Variants in MCC observed in about 807,000 individuals in gnomAD.
MCC encodes the protein MCC regulator of Wnt signaling pathway.
Under a neutral mutation model 116.2 loss-of-function variants are expected in MCC, and 90 were observed. The observed-to-expected ratio is 0.77, with a 90% CI of 0.65 to 0.92. The LOEUF (loss-of-function observed/expected upper bound fraction) is 0.92. Among genes scored for constraint, MCC ranks in the 40% least tolerant of loss-of-function variants. MCC has a pLI of 0.00. For synonymous variants in MCC, 578 were observed against 510.5 expected (o/e 1.13, Z -1.78); for missense variants, 1,516 against 1,312.2 (o/e 1.16, Z -2.40).
chr5:113,073,070 A>G (rs75133562), intron 11 of MCC, among the ~76,000 whole-genome samples: 5,308 of 145,560 alleles, frequency 0.036, 131 homozygotes, highest in Non-Finnish European at 0.056. Context: ...ACATTACGAG[A>G]TATTTTTGCA....
chr5:113,103,060 G>A (rs559308010), intron 7 of MCC, among the ~76,000 whole-genome samples: 1 of 152,268 alleles, frequency 6.6e-6, no homozygotes, highest in East Asian at 1.9e-4. Flanking sequence ...GTTGCAGTGA[G>A]CTGAGATCAT....
intron 3 of MCC, among the ~76,000 whole-genome samples, chr5:113,309,672 T>C (rs1441995841): frequency 6.6e-6 from 1 of 152,252 alleles, no homozygotes; most frequent in Non-Finnish European, 1.5e-5. Flanking sequence ...TGATTGTGAA[T>C]TGTGCTGTGA....
chr5:113,214,031 T>C (rs911530515), intron 3 of MCC, among the ~76,000 whole-genome samples: 4 of 152,180 alleles, frequency 2.6e-5, no homozygotes, highest in African/African-American at 9.7e-5. Context: ...ACTGATGTTT[T>C]TTGCAATAGT....
intron 2 of MCC, among the ~76,000 whole-genome samples, chr5:113,359,531 A>G (rs920482314): frequency 4.6e-5 from 7 of 152,254 alleles, no homozygotes; most frequent in Admixed American, 6.5e-5. Context: ...GTTCTTCATC[A>G]AGTTTAATAT....
intron 3 of MCC, among the ~76,000 whole-genome samples, chr5:113,333,846 T>TATATACACATATGTAC (rs1469058009): frequency 6.4e-5 from 4 of 62,640 alleles, no homozygotes; most frequent in African/African-American, 2.1e-4. Context: ...TATATATGTA[T>TATATACACATATGTAC]ATATGTACAT....
In MCC at chr5:113,265,763, G is replaced by A. The variant is rs902536081; in HGVS notation, c.627+74756C>T. On this transcript the variant is annotated intron_variant, in intron 3 of 18. Coordinates refer to ENST00000408903, the MANE Select transcript of MCC (RefSeq NM_001085377.2). ...GCAGGCCAACCCCTCTAGTTCATACGTCACCAGGATTTACACCTCCCCTGC... is the reference window on the plus strand; with the variant it reads ...GCAGGCCAACCCCTCTAGTTCATACATCACCAGGATTTACACCTCCCCTGC... Among the ~76,000 whole-genome samples, 6 of 152,004 alleles carry A rather than the reference G, an allele frequency of 3.9e-5. No individual in the cohort carries two copies. In the South Asian group the frequency reaches 8.3e-4, roughly 21 times the overall value.
Position 113,024,318 on chromosome 5 carries a change from G to GAATC in MCC, c.*2980_*2983dup, listed in dbSNP as rs1750376575. On this transcript the variant is annotated 3_prime_UTR_variant, in exon 19 of 19. Coordinates refer to ENST00000408903, the MANE Select transcript of MCC (RefSeq NM_001085377.2). The stretch of plus-strand genomic sequence containing the variant: ...CGATGAGGATGAAAGTTTCAATAAG[G>GAATC]AATCATACTGTTCCCCAGTCCATGA... The GAATC allele has an allele frequency of 6.6e-6, 1 of 152,252 alleles. No individual in the cohort carries two copies. The highest frequency in any genetic ancestry group is 2.4e-5 in the African/African-American group (1 of 41,468). The allele number at this position is 152,252 out of a possible 1,614,324, so 9.4% of individuals were successfully genotyped here.
chr5:113,161,396 G>A (rs981984386), intron 3 of MCC, among the ~76,000 whole-genome samples: 7 of 152,168 alleles, frequency 4.6e-5, no homozygotes, highest in African/African-American at 1.7e-4. Flanking sequence ...GACAAGGTCT[G>A]AATTGTTCAT....
chr5:113,247,639 G>A (rs1764626630), intron 3 of MCC, among the ~76,000 whole-genome samples: 1 of 152,174 alleles, frequency 6.6e-6, no homozygotes, highest in Non-Finnish European at 1.5e-5. Context: ...AAACTGAGAG[G>A]AGACTCAGCA....
intron 8 of MCC, among the ~76,000 whole-genome samples, chr5:113,088,009 T>C (rs1350464821): frequency 1.3e-5 from 2 of 152,238 alleles, no homozygotes; most frequent in Admixed American, 6.5e-5. Flanking sequence ...TTCCTTGCTG[T>C]GTATGTGCAC....
At chr5:113,086,486 G>A (rs1172328238) in intron 8 of MCC, among the ~76,000 whole-genome samples, 1 of 152,158 alleles carries the variant, frequency 6.6e-6, no homozygotes, top group East Asian at 1.9e-4. Context: ...TGGAATAGTA[G>A]GTAGGAACGT....
At chr5:113,455,380 C>G (rs542611705) in intron 1 of MCC, among the ~76,000 whole-genome samples, 116 of 152,288 alleles carry the variant, frequency 7.6e-4, no homozygotes, top group Non-Finnish European at 1.1e-3. Flanking sequence ...CACTCCCCCC[C>G]ACCATCACCA....
intron 1 of MCC, among the ~76,000 whole-genome samples, chr5:113,457,992 T>C (rs1476505433): frequency 1.3e-5 from 2 of 152,038 alleles, no homozygotes; most frequent in Non-Finnish European, 2.9e-5. Flanking sequence ...TAGTGGGGAC[T>C]TGGAGAACCT....
intron 3 of MCC, among the ~76,000 whole-genome samples, chr5:113,287,781 C>T (rs1023814673): frequency 4.6e-5 from 7 of 152,244 alleles, no homozygotes; most frequent in Admixed American, 2.0e-4. Flanking sequence ...ATCACCATGA[C>T]ATTCCCTACT....
chr5:113,131,833 C>T lies in MCC; in HGVS notation c.885-9007G>A, dbSNP rs552926100. 1.1e-4 allele frequency among the ~76,000 whole-genome samples: 17 copies of T among 152,268 alleles called. 1 individual carries two copies. In the South Asian group the frequency reaches 3.3e-3, roughly 30 times the overall value. On this transcript the variant is annotated intron_variant, in intron 5 of 18. Coordinates refer to ENST00000408903, the MANE Select transcript of MCC (RefSeq NM_001085377.2). ...GAATCTGAGAGGTAGTTCCCAGGCC[C>T]TCTTTGATTCTGGGGAGAATAGAGG...
chr5:113,282,102 G>C (rs901550294), intron 3 of MCC, among the ~76,000 whole-genome samples: 5 of 152,148 alleles, frequency 3.3e-5, no homozygotes, highest in Admixed American at 2.0e-4. Context: ...GCATCACCTA[G>C]CTAGGAAGTG....
chr5:113,283,745 C>A (rs2150358152), intron 3 of MCC, among the ~76,000 whole-genome samples: 1 of 152,258 alleles, frequency 6.6e-6, no homozygotes, highest in African/African-American at 2.4e-5. Flanking sequence ...TACAACACAC[C>A]CTAAAACCAC....
chr5:113,297,062 A>C (rs1766732123), intron 3 of MCC, among the ~76,000 whole-genome samples: 1 of 152,250 alleles, frequency 6.6e-6, no homozygotes, highest in Non-Finnish European at 1.5e-5. Context: ...TTCATAAACA[A>C]TGACTTGAAT....
chr5:113,368,482 T>C (rs1399876926), intron 2 of MCC, among the ~76,000 whole-genome samples: 2 of 152,214 alleles, frequency 1.3e-5, no homozygotes, highest in Non-Finnish European at 2.9e-5. Context: ...GCATCAGCAC[T>C]CTAACTTTCT....
Sources: gnomAD v4.1 joint callset for allele counts (sites outside exome capture counted in the v4.1 genomes callset) on GRCh38, gnomAD v4.1.1 for gene constraint, MANE v1.5 for transcripts, NCBI Gene and HGNC (gene_info 2026-07-23, HGNC 2026-07-21) for gene names.